The following CAMK1D variants were observed in gnomAD, a reference collection of about 807,000 sequenced individuals.
CAMK1D encodes the protein calcium/calmodulin dependent protein kinase ID.
CAMK1D carries 9 observed loss-of-function variants against 47.7 expected under a neutral mutation model. The ratio of observed to expected loss-of-function variants is 0.19; its 90% CI spans 0.11 to 0.33. CAMK1D has a LOEUF of 0.33. Ranked by LOEUF, CAMK1D falls within the 10% of genes least tolerant of loss-of-function variation. The probability of loss-of-function intolerance (pLI) is 1.00; values close to 1 mark genes in which losing one functional copy is unlikely to be tolerated. For missense variants in CAMK1D, 291 were observed against 488.7 expected (o/e 0.60, Z 3.81); for synonymous variants, 184 against 184.9 (o/e 0.99, Z 0.04).
In CAMK1D at chr10:12,659,855, G is replaced by A. The variant is rs538833883; in HGVS notation, c.225-6881G>A. ...CTGGTCCTCTATGGCCTTTGCTTGC[G>A]GAGAGAGGCCTTTCCCAGACTAGAC... On this transcript the variant is annotated intron_variant, in intron 2 of 10. Transcript: ENST00000619168. Among the ~76,000 whole-genome samples, 6 of 152,262 alleles carry A rather than the reference G, an allele frequency of 3.9e-5. No homozygotes were observed. In the East Asian group the frequency reaches 9.6e-4, roughly 24 times the overall value.
At chr10:12,592,214 C>T (rs1838017872) in intron 2 of CAMK1D, among the ~76,000 whole-genome samples, 1 of 152,178 alleles carries the variant, frequency 6.6e-6, no homozygotes, top group South Asian at 2.1e-4. Context: ...ATTTCATCAT[C>T]TCCCTGCGAT....
Position 12,749,833 on chromosome 10 carries a change from G to A in CAMK1D, c.300-11115G>A, listed in dbSNP as rs199928898. Among the ~76,000 whole-genome samples, 51 of 135,598 alleles carry A rather than the reference G, an allele frequency of 3.8e-4. No individual in the cohort carries two copies. In the East Asian group the frequency reaches 0.01, roughly 27 times the overall value. The allele number at this position is 135,598 out of a possible 152,430, so 89.0% of individuals were successfully genotyped here. ...TCAAACTCCTGACTGCAAATGATCCGCCTGCTTCGTTCGGCCTCCCAAAGT... is the reference window on the plus strand; with the variant it reads ...TCAAACTCCTGACTGCAAATGATCCACCTGCTTCGTTCGGCCTCCCAAAGT... On this transcript the variant is annotated intron_variant, in intron 3 of 10. Coordinates refer to ENST00000619168, the MANE Select transcript of CAMK1D (RefSeq NM_153498.4).
At chr10:12,581,038 AT>A (rs1837648365) in intron 2 of CAMK1D, among the ~76,000 whole-genome samples, 1 of 152,110 alleles carries the variant, frequency 6.6e-6, no homozygotes, top group South Asian at 2.1e-4. Context: ...TCCCTTACCC[AT>A]CCCCACCCTT....
At chr10:12,452,401 AC>A (rs1833109681) in intron 1 of CAMK1D, among the ~76,000 whole-genome samples, 2 of 151,756 alleles carry the variant, frequency 1.3e-5, no homozygotes. Context: ...TGTTATGTGG[AC>A]TGAATAAATA....
intron 1 of CAMK1D, among the ~76,000 whole-genome samples, chr10:12,356,919 A>G (rs564328352): frequency 6.6e-6 from 1 of 152,248 alleles, no homozygotes; most frequent in African/African-American, 2.4e-5. Context: ...TGCTGGTGCC[A>G]GGTGGAGATT....
At chr10:12,515,219 G>A (rs757569328) in intron 1 of CAMK1D, among the ~76,000 whole-genome samples, 1 of 151,416 alleles carries the variant, frequency 6.6e-6, no homozygotes, top group Non-Finnish European at 1.5e-5. Flanking sequence ...TGACTCTTAC[G>A]GTGTGCAGTC....
chr10:12,667,900 A>G (rs779809447), intron 3 of CAMK1D, among the ~76,000 whole-genome samples: 3 of 152,214 alleles, frequency 2.0e-5, no homozygotes, highest in Non-Finnish European at 4.4e-5. Context: ...GTAGGTTATG[A>G]TATTTTTGTA....
At position 12,832,726 on chromosome 10, in the gene CAMK1D, C is replaced by G. The variant is rs1488908896; in HGVS notation, c.*3839C>G. 6.6e-6 allele frequency: 1 copy of G among 152,294 alleles called. No homozygotes were observed. The highest frequency in any genetic ancestry group is 1.5e-5 in the Non-Finnish European group (1 of 68,122). The allele number at this position is 152,294 out of a possible 1,614,324, so 9.4% of individuals were successfully genotyped here. ...AGAACGGTGTAGAGTCTCTGAGCCACCGCTGGCCTTTGAGAGAGTCTCACT... is the reference window on the plus strand; with the variant it reads ...AGAACGGTGTAGAGTCTCTGAGCCAGCGCTGGCCTTTGAGAGAGTCTCACT... On this transcript the variant is annotated 3_prime_UTR_variant, in exon 11 of 11. Coordinates refer to ENST00000619168, the MANE Select transcript of CAMK1D (RefSeq NM_153498.4).
rs538722090 is a variant in CAMK1D, at chr10:12,379,872, C to T, written c.92+29962C>T. Among the ~76,000 whole-genome samples the T allele has an allele frequency of 1.4e-4, 21 of 152,016 alleles. 1 individual carries two copies. Among genetic ancestry groups the T allele is most frequent in the Non-Finnish European group, 2.1e-4 (14 of 68,004 alleles). Reference sequence around the variant, plus strand: ...GGCTAAATATCTTTCAAAAATGTGCCAGAAAGTGGATGGATCAGTATAAAT... The same window carrying T: ...GGCTAAATATCTTTCAAAAATGTGCTAGAAAGTGGATGGATCAGTATAAAT... On this transcript the variant is annotated intron_variant, in intron 1 of 10. Coordinates refer to ENST00000619168, the MANE Select transcript of CAMK1D (RefSeq NM_153498.4).
chr10:12,487,298 C>T (rs1253858467), intron 1 of CAMK1D, among the ~76,000 whole-genome samples: 1 of 152,108 alleles, frequency 6.6e-6, no homozygotes, highest in East Asian at 1.9e-4. Context: ...TATCGGGTTT[C>T]CTCTTTTATA....
At chr10:12,813,077 G>T (rs1480217322) in intron 6 of CAMK1D, among the ~76,000 whole-genome samples, 1 of 152,190 alleles carries the variant, frequency 6.6e-6, no homozygotes, top group South Asian at 2.1e-4. Context: ...CATTGTGTGT[G>T]TCAGATGCCT....
At chr10:12,366,531 T>C (rs1296872480) in intron 1 of CAMK1D, among the ~76,000 whole-genome samples, 1 of 151,258 alleles carries the variant, frequency 6.6e-6, no homozygotes, top group Non-Finnish European at 1.5e-5. Flanking sequence ...TGGTAGCGCA[T>C]GCCTGTAATC....
chr10:12,523,873 G>T (rs1835526937), intron 1 of CAMK1D, among the ~76,000 whole-genome samples: 1 of 152,194 alleles, frequency 6.6e-6, no homozygotes, highest in South Asian at 2.1e-4. Context: ...GTTTATGTGT[G>T]TGTGTTTTGT....
At chr10:12,577,211 GAC>G (rs1204145661) in intron 2 of CAMK1D, among the ~76,000 whole-genome samples, 4 of 152,202 alleles carry the variant, frequency 2.6e-5, no homozygotes, top group Non-Finnish European at 4.4e-5. Context: ...GAGGTCCCCG[GAC>G]ACACAGCGAA....
chr10:12,655,690 C>T (rs765380194), intron 2 of CAMK1D, among the ~76,000 whole-genome samples: 60 of 152,278 alleles, frequency 3.9e-4, no homozygotes, highest in Non-Finnish European at 6.3e-4. Context: ...GTCGAAAGAC[C>T]GCCAGGCCTC....
At chr10:12,526,309 C>A (rs1422984330) in intron 1 of CAMK1D, among the ~76,000 whole-genome samples, 2 of 152,188 alleles carry the variant, frequency 1.3e-5, no homozygotes, top group African/African-American at 2.4e-5. Context: ...ATGGGACTTA[C>A]GTGGTTCTTC....
chr10:12,573,441 T>C (rs1177400852), intron 2 of CAMK1D, among the ~76,000 whole-genome samples: 1 of 152,168 alleles, frequency 6.6e-6, no homozygotes, highest in African/African-American at 2.4e-5. Flanking sequence ...GAAAGTCAGC[T>C]GTGAGGCAGG....
chr10:12,618,125 C>A (rs75328076), intron 2 of CAMK1D, among the ~76,000 whole-genome samples: 1 of 152,134 alleles, frequency 6.6e-6, no homozygotes, highest in South Asian at 2.1e-4. Context: ...GATTAGCAGC[C>A]GATTCAGGGC....
At chr10:12,395,872 G>A (rs72767691) in intron 1 of CAMK1D, among the ~76,000 whole-genome samples, 28,639 of 151,402 alleles carry the variant, frequency 0.19, 3,000 homozygotes, top group East Asian at 0.35. Flanking sequence ...GGTTGCTGTG[G>A]GCCGTGATTG....
Sources: allele counts gnomAD v4.1 joint callset (sites outside exome capture counted in the v4.1 genomes callset), GRCh38; gene constraint gnomAD v4.1.1; transcripts MANE v1.5; gene names NCBI Gene and HGNC (gene_info 2026-07-23, HGNC 2026-07-21).